EFNA5: variants seen among roughly 807,000 people sequenced by gnomAD.
The protein encoded by EFNA5 is ephrin A5.
EFNA5 carries 5 observed loss-of-function variants against 22.9 expected under a neutral mutation model. That is an observed-to-expected ratio of 0.22 (90% CI 0.11 to 0.46). EFNA5 has a LOEUF of 0.46. Among genes scored for constraint, EFNA5 ranks in the 20% least tolerant of loss-of-function variants. The probability of loss-of-function intolerance (pLI) is 0.99; values close to 1 mark genes in which losing one functional copy is unlikely to be tolerated. For missense variants in EFNA5, 237 were observed against 293.3 expected (o/e 0.81, Z 1.40); for synonymous variants, 113 against 112.2 (o/e 1.01, Z -0.04).
At chr5:107,608,914 C>CT (rs1289945164) in intron 1 of EFNA5, among the ~76,000 whole-genome samples, 1 of 152,186 alleles carries the variant, frequency 6.6e-6, no homozygotes, top group Non-Finnish European at 1.5e-5. Flanking sequence ...GGGCTCTAGG[C>CT]TTTTTCATTA....
rs376334045 is a variant in EFNA5 at position 107,437,371 on chromosome 5, G to C, written c.126-9862C>G. 1.2e-3 allele frequency among the ~76,000 whole-genome samples: 178 copies of C among 152,296 alleles called. 1 individual carries two copies. The highest frequency in any genetic ancestry group is 4.2e-3 in the African/African-American group (174 of 41,564). ...CAAGGTAATTACTTCTATTTGGCCA[G>C]TTAGGACCTTGTGAGCAGTTGGATA... is the stretch of plus-strand genomic sequence containing the variant. On this transcript the variant is annotated intron_variant, in intron 1 of 4. Transcript: ENST00000333274.
At chr5:107,446,699 A>G (rs1749407866) in intron 1 of EFNA5, among the ~76,000 whole-genome samples, 1 of 152,142 alleles carries the variant, frequency 6.6e-6, no homozygotes, top group South Asian at 2.1e-4. Context: ...GGTTGCAGTG[A>G]GCCAAGATCA....
chr5:107,582,485 C>T (rs1298665934), intron 1 of EFNA5, among the ~76,000 whole-genome samples: 6 of 151,972 alleles, frequency 3.9e-5, no homozygotes, highest in Non-Finnish European at 8.8e-5. Flanking sequence ...TGTAAATTAC[C>T]ATCTTTAGTC....
At chr5:107,649,260 C>T (rs1048837754) in intron 1 of EFNA5, among the ~76,000 whole-genome samples, 3 of 152,068 alleles carry the variant, frequency 2.0e-5, no homozygotes, top group Non-Finnish European at 2.9e-5. Context: ...AAACCTGACT[C>T]CAGGCCTTGG....
rs1026510250 is a variant in EFNA5 at position 107,556,258 on chromosome 5, C to A, written c.125+114231G>T. Among the ~76,000 whole-genome samples the A allele has an allele frequency of 2.0e-5, 3 of 152,186 alleles. No individual in the cohort carries two copies. The East Asian group carries it at 5.8e-4, about 29-fold the overall frequency. ...GGAGAACTACATTTAATCCACACTTCCTATGTGCCAGGCACCATGTGAGCT... is the reference window on the plus strand; with the variant it reads ...GGAGAACTACATTTAATCCACACTTACTATGTGCCAGGCACCATGTGAGCT... On this transcript the variant is annotated intron_variant, in intron 1 of 4. Coordinates refer to ENST00000333274, the MANE Select transcript of EFNA5 (RefSeq NM_001962.3).
intron 1 of EFNA5, among the ~76,000 whole-genome samples, chr5:107,484,727 T>G (rs1203641582): frequency 6.6e-6 from 1 of 152,102 alleles, no homozygotes; most frequent in African/African-American, 2.4e-5. Context: ...AGATACTGTA[T>G]CTAACACTCA....
chr5:107,531,396 C>A (rs1747806815), intron 1 of EFNA5, among the ~76,000 whole-genome samples: 1 of 152,184 alleles, frequency 6.6e-6, no homozygotes, highest in African/African-American at 2.4e-5. Context: ...AAGGGGCAGG[C>A]AGGACGGTGA....
Position 107,575,392 on chromosome 5 carries a change from A to G in EFNA5, c.125+95097T>C, listed in dbSNP as rs1748907460. Reference sequence around the variant, plus strand: ...GTGGTCATCAGGACACATACCATGTATCCCAAAGGAGAAAATTATGTCCTC... The same window carrying G: ...GTGGTCATCAGGACACATACCATGTGTCCCAAAGGAGAAAATTATGTCCTC... On this transcript the variant is annotated intron_variant, in intron 1 of 4. Coordinates refer to ENST00000333274, the MANE Select transcript of EFNA5 (RefSeq NM_001962.3). 2.6e-5 allele frequency among the ~76,000 whole-genome samples: 4 copies of G among 152,246 alleles called. No individual in the cohort carries two copies. In the South Asian group the frequency reaches 8.3e-4, roughly 32 times the overall value.
intron 2 of EFNA5, among the ~76,000 whole-genome samples, chr5:107,423,301 C>T (rs939946343): frequency 6.6e-6 from 1 of 151,892 alleles, no homozygotes; most frequent in Non-Finnish European, 1.5e-5. Flanking sequence ...TCCCTTTACC[C>T]CTTCTGATGT....
intron 1 of EFNA5, among the ~76,000 whole-genome samples, chr5:107,490,819 T>C (rs575855160): frequency 7.2e-5 from 11 of 152,326 alleles, no homozygotes; most frequent in African/African-American, 2.4e-4. Context: ...AGCACCTCAG[T>C]ATTAATCCTA....
chr5:107,590,943 AAC>A (rs1749311339), intron 1 of EFNA5, among the ~76,000 whole-genome samples: 1 of 152,224 alleles, frequency 6.6e-6, no homozygotes, highest in South Asian at 2.1e-4. Flanking sequence ...CAAAAATTTT[AAC>A]AGTTGTGTGG....
At chr5:107,454,647 T>C (rs541920375) in intron 1 of EFNA5, among the ~76,000 whole-genome samples, 30 of 152,294 alleles carry the variant, frequency 2.0e-4, no homozygotes, top group Middle Eastern at 6.8e-3. Context: ...TTTTATAATA[T>C]GCAAATACTA....
chr5:107,479,638 T>C (rs1320639867), intron 1 of EFNA5, among the ~76,000 whole-genome samples: 3 of 152,110 alleles, frequency 2.0e-5, no homozygotes, highest in Non-Finnish European at 4.4e-5. Flanking sequence ...TTCAGAGGTT[T>C]TTCCCCACTG....
intron 1 of EFNA5, among the ~76,000 whole-genome samples, chr5:107,632,793 T>C (rs1007501596): frequency 2.6e-5 from 4 of 152,232 alleles, no homozygotes; most frequent in African/African-American, 7.2e-5. Context: ...TTAACTATTA[T>C]AGGAGATCTC....
At chr5:107,599,401 T>C (rs1416316763) in intron 1 of EFNA5, among the ~76,000 whole-genome samples, 1 of 150,404 alleles carries the variant, frequency 6.6e-6, no homozygotes, top group Non-Finnish European at 1.5e-5. Flanking sequence ...GTAGGGATTA[T>C]AAAACATATA....
intron 1 of EFNA5, among the ~76,000 whole-genome samples, chr5:107,525,325 T>C (rs1234708031): frequency 6.6e-6 from 1 of 152,182 alleles, no homozygotes; most frequent in African/African-American, 2.4e-5. Flanking sequence ...ATATGGCATA[T>C]ATTCAATATA....
At chr5:107,622,066 A>G (rs1750049142) in intron 1 of EFNA5, among the ~76,000 whole-genome samples, 1 of 151,954 alleles carries the variant, frequency 6.6e-6, no homozygotes, top group Non-Finnish European at 1.5e-5. Context: ...ACTCAATTTT[A>G]TAGGTTATTT....
rs1747407184 is a variant in EFNA5, at chr5:107,380,373, T to TAAAAAAAA, written c.*881_*882insTTTTTTTT. 6 of 41,586 alleles carry TAAAAAAAA rather than the reference T, an allele frequency of 1.4e-4. 2 individuals are homozygous for TAAAAAAAA. Among genetic ancestry groups the TAAAAAAAA allele is most frequent in the Non-Finnish European group, 2.2e-4 (5 of 22,308 alleles). The allele number at this position is 41,586 out of a possible 1,614,324, so 2.6% of individuals were successfully genotyped here. Reference sequence around the variant, plus strand: ...TCATAAAAATGCCTCTTTGAGTTTCTTAAAAAAAAAAAAAAAAAAAAAAAA... The same window carrying TAAAAAAAA: ...TCATAAAAATGCCTCTTTGAGTTTCTAAAAAAAATAAAAAAAAAAAAAAAAAAAAAAAA... On this transcript the variant is annotated 3_prime_UTR_variant, in exon 5 of 5. Transcript: ENST00000333274.
intron 1 of EFNA5, among the ~76,000 whole-genome samples, chr5:107,491,350 T>A (rs555335068): frequency 1.3e-5 from 2 of 152,326 alleles, no homozygotes; most frequent in Admixed American, 6.5e-5. Context: ...CCGCTCTTGT[T>A]GCCCAGGCTG....
Sources: allele counts gnomAD v4.1 joint callset (sites outside exome capture counted in the v4.1 genomes callset), GRCh38; gene constraint gnomAD v4.1.1; transcripts MANE v1.5; gene names NCBI Gene and HGNC (gene_info 2026-07-23, HGNC 2026-07-21).